AP3M2: variants seen among roughly 807,000 people sequenced by gnomAD.
The protein encoded by AP3M2 is adaptor related protein complex 3 subunit mu 2, also known as AP-3 complex subunit mu-2.
AP3M2 carries 28 observed loss-of-function variants against 41.6 expected under a neutral mutation model. The ratio of observed to expected loss-of-function variants is 0.67; its 90% CI spans 0.50 to 0.92. AP3M2 has a LOEUF of 0.92. Among genes scored for constraint, AP3M2 ranks in the 40% least tolerant of loss-of-function variants. The pLI is 0.00. For missense variants in AP3M2, 427 were observed against 521.4 expected (o/e 0.82, Z 1.76); for synonymous variants, 193 against 186.4 (o/e 1.04, Z -0.29).
chr8:42,161,553 AAGCCAAGACTGCACCACTGTACTCC>A (rs1221163134), intron 3 of AP3M2, among the ~76,000 whole-genome samples: 31 of 152,136 alleles, frequency 2.0e-4, no homozygotes, highest in Non-Finnish European at 4.3e-4. Flanking sequence ...AGGTTGCAGT[AAGCCAAGACTGCACCACTGTACTCC>A]AGCCTGGGCG....
intron 7 of AP3M2, 60 bp downstream of exon 7, chr8:42,167,431 C>T: frequency 6.3e-7 from 1 of 1,581,116 alleles, no homozygotes; most frequent in Non-Finnish European, 8.7e-7. Context: ...TCTGCAGGTT[C>T]TCTGTGTAGA....
At chr8:42,158,983 TG>T (rs1804435040) in intron 3 of AP3M2, among the ~76,000 whole-genome samples, 1 of 152,106 alleles carries the variant, frequency 6.6e-6, no homozygotes, top group African/African-American at 2.4e-5. Context: ...TTAGGAGAGA[TG>T]GGGTTTCATC....
rs1380449444 is a variant in AP3M2 at position 42,167,462 on chromosome 8, G to C, written c.1011+91G>C. The stretch of plus-strand genomic sequence containing the variant: ...GTAGACTCTAGACCTTGTTTGGAAG[G>C]TGAGATGAGTCAAAGGGACCTTGTT... On this transcript the variant is annotated intron_variant, in intron 7 of 8. Transcript: ENST00000396926. The C allele has an allele frequency of 5.4e-6, 8 of 1,488,726 alleles. 1 individual carries two copies. In the Admixed American group the frequency reaches 1.6e-4, roughly 29 times the overall value. 92.2% of individuals were successfully genotyped at this position (1,488,726 alleles called of 1,614,324 possible). A position where few individuals can be genotyped will look rare whatever the true frequency, so the allele number is the denominator to read the frequency against.
At chr8:42,156,397 C>T (rs1050779342) in intron 2 of AP3M2, among the ~76,000 whole-genome samples, 4 of 152,102 alleles carry the variant, frequency 2.6e-5, no homozygotes, top group Non-Finnish European at 4.4e-5. Context: ...GCATCCTCTC[C>T]GGCAGCATGA....
chr8:42,168,160 C>G (rs980548027), intron 8 of AP3M2: 5 of 481,222 alleles, frequency 1.0e-5, no homozygotes, highest in African/African-American at 2.0e-5. Context: ...TCAGCTATAA[C>G]TGAAGTGTAA....
At chr8:42,167,132 G>T (rs746885812) in intron 6 of AP3M2, 32 bp from the exon 7 acceptor site, 1 of 1,599,028 alleles carries the variant, frequency 6.3e-7, no homozygotes, top group Non-Finnish European at 8.6e-7. Context: ...CCCAGTGCAC[G>T]AATGAAATGA....
intron 3 of AP3M2, among the ~76,000 whole-genome samples, chr8:42,158,588 C>T (rs1228208937): frequency 1.3e-5 from 2 of 151,876 alleles, no homozygotes; most frequent in African/African-American, 4.8e-5. Flanking sequence ...AATATTTTTG[C>T]TTTGTGGAAA....
In AP3M2 at chr8:42,162,265, A is replaced by G. The variant is rs995252589; in HGVS notation, c.446-16A>G. Reference sequence around the variant, plus strand: ...GTCAAAATGGTGTTAAAATACAGTAATATTAATTGCCTCAGGAAGCACGAA... The same window carrying G: ...GTCAAAATGGTGTTAAAATACAGTAGTATTAATTGCCTCAGGAAGCACGAA... On this transcript the variant is annotated splice_polypyrimidine_tract_variant and intron_variant, in intron 3 of 8. Transcript: ENST00000396926. The G allele has an allele frequency of 1.9e-6, 3 of 1,602,862 alleles. No homozygotes were observed. Among genetic ancestry groups the G allele is most frequent in the Non-Finnish European group, 2.6e-6 (3 of 1,175,706 alleles).
rs771430154 is a variant in AP3M2 at position 42,162,438 on chromosome 8, T to C, written c.583+20T>C. The stretch of plus-strand genomic sequence containing the variant: ...AATCAGGTAGGTGCTTTTAATATGT[T>C]CTCAGAAATATGAAAATAGAAAGGG... On this transcript the variant is annotated intron_variant, in intron 4 of 8. Coordinates refer to ENST00000396926, the MANE Select transcript of AP3M2 (RefSeq NM_006803.4). The C allele has an allele frequency of 6.3e-7, 1 of 1,583,660 alleles. No individual in the cohort carries two copies. The highest frequency in any genetic ancestry group is 1.1e-5 in the South Asian group (1 of 87,212).
Position 42,167,719 on chromosome 8 carries a change from G to T in AP3M2, c.1065G>T (p.Lys355Asn). 1 of 1,613,896 alleles carries T rather than the reference G, an allele frequency of 6.2e-7. No individual in the cohort carries two copies. The highest frequency in any genetic ancestry group is 1.1e-5 in the South Asian group (1 of 90,994). ...ATCCACAAAAGCTACCAAGTTTGAA[G>T]GGGACCATGAGTCTTCAGGCTGGAG... ...KINPQKLPSL[K>N]GTMSLQAGAS... The change falls in exon 8 of 9, where the codon AAG becomes AAT. Residue 355 changes from lysine to asparagine, a missense_variant. By Grantham distance (94) the Lys-to-Asn change is moderately conservative. Transcript: ENST00000396926.
At position 42,154,978 on chromosome 8, in the gene AP3M2, A is replaced by G. The variant is rs1260867948; in HGVS notation, c.273+18A>G. ...CATTTCAGGTTCGTGAATGTGGGAAAGTTCATATATGTAAACCGTAAAGTG... is the reference window on the plus strand; with the variant it reads ...CATTTCAGGTTCGTGAATGTGGGAAGGTTCATATATGTAAACCGTAAAGTG... On this transcript the variant is annotated intron_variant, in intron 2 of 8. Transcript: ENST00000396926. The G allele has an allele frequency of 8.1e-6, 13 of 1,599,120 alleles. No individual in the cohort carries two copies. In the African/African-American group the frequency reaches 1.7e-4, roughly 21 times the overall value.
intron 2 of AP3M2, 30 bp from the exon 3 acceptor site, chr8:42,157,910 GT>G (rs1364054825): frequency 6.3e-7 from 1 of 1,585,592 alleles, no homozygotes; most frequent in Admixed American, 1.7e-5. Flanking sequence ...CAGTATCTGA[GT>G]GATCAATGTG....
intron 6 of AP3M2, among the ~76,000 whole-genome samples, chr8:42,166,591 C>CAAAAAAAAAAAAAAAAAAAAA (rs56858276): frequency 7.8e-5 from 6 of 77,054 alleles, no homozygotes; most frequent in African/African-American, 3.2e-4. Context: ...CTTGTCTCTA[C>CAAAAAAAAAAAAAAAAAAAAA]AAAAAAAAAA....
intron 2 of AP3M2, chr8:42,155,625 G>A (rs1185291641): frequency 3.1e-5 from 5 of 162,550 alleles, no homozygotes; most frequent in South Asian, 1.5e-4. Flanking sequence ...ACCAGGACAC[G>A]ACACCATTTG....
chr8:42,162,264 A>G lies in AP3M2; in HGVS notation c.446-17A>G, dbSNP rs1266573185. On this transcript the variant is annotated splice_polypyrimidine_tract_variant and intron_variant, in intron 3 of 8. Transcript: ENST00000396926. ...AGTCAAAATGGTGTTAAAATACAGTAATATTAATTGCCTCAGGAAGCACGA... is the reference window on the plus strand; with the variant it reads ...AGTCAAAATGGTGTTAAAATACAGTGATATTAATTGCCTCAGGAAGCACGA... The G allele has an allele frequency of 6.2e-7, 1 of 1,602,972 alleles. No homozygotes were observed. Among genetic ancestry groups the G allele is most frequent in the Admixed American group, 1.7e-5 (1 of 57,454 alleles).
chr8:42,155,018 T>C (rs1273278502), intron 2 of AP3M2, 58 bp downstream of exon 2: 1 of 1,434,360 alleles, frequency 7.0e-7, no homozygotes, highest in Non-Finnish European at 9.7e-7. Context: ...TGTAGTCCTG[T>C]TTCCATTGTG....
chr8:42,153,741 T>G (rs1178422858), intron 1 of AP3M2: 1 of 151,848 alleles, frequency 6.6e-6, no homozygotes, highest in Non-Finnish European at 1.5e-5. Context: ...GCTCCAGCGG[T>G]CTGCCCGCGG....
At position 42,162,401 on chromosome 8, in the gene AP3M2, C is replaced by G; in HGVS notation, c.566C>G (p.Ala189Gly). ...AYFDVIEEID[A>G]IIDKSGSTIT... ...TTTGATGTGATTGAAGAGATTGATG[C>G]AATTATTGATAAATCAGGTAGGTGC... is the stretch of plus-strand genomic sequence containing the variant. Residue 189 changes from alanine to glycine, a missense_variant, in exon 4 of 9, where the codon GCA becomes GGA. Ala to Gly is a moderately conservative substitution (Grantham distance 60). Transcript: ENST00000396926. The G allele has an allele frequency of 6.2e-7, 1 of 1,604,496 alleles. No individual in the cohort carries two copies. Among genetic ancestry groups the G allele is most frequent in the Non-Finnish European group, 8.5e-7 (1 of 1,175,556 alleles).
chr8:42,168,885 T>C (rs950544910), intron 8 of AP3M2, 76 bp from the exon 9 acceptor site: 4 of 1,109,332 alleles, frequency 3.6e-6, no homozygotes, highest in Non-Finnish European at 5.2e-6. Flanking sequence ...TTCAGTGTAT[T>C]GAACAGAAAC....
Sources: gnomAD v4.1 joint callset for allele counts (sites outside exome capture counted in the v4.1 genomes callset) on GRCh38, gnomAD v4.1.1 for gene constraint, MANE v1.5 for transcripts, NCBI Gene and HGNC (gene_info 2026-07-23, HGNC 2026-07-21) for gene names.